TSC22D1: variants seen among roughly 807,000 people sequenced by gnomAD.
TSC22D1 encodes the protein TSC22 domain family member 1.
TSC22D1 carries 9 observed loss-of-function variants against 74.2 expected under a neutral mutation model. That is an observed-to-expected ratio of 0.12 (90% CI 0.07 to 0.21). The LOEUF is 0.21. TSC22D1 is among the 10% of genes least tolerant of loss of function. The pLI is 1.00. For synonymous variants in TSC22D1, 586 were observed against 492.5 expected, an observed-to-expected ratio of 1.19 and a Z score of -2.51; for missense variants, 1,427 against 1,304.7, an observed-to-expected ratio of 1.09 and a Z score of -1.44.
At chr13:44,448,851 A>G (rs1164307189) in intron 1 of TSC22D1, among the ~76,000 whole-genome samples, 1 of 151,900 alleles carries the variant, frequency 6.6e-6, no homozygotes, top group African/African-American at 2.4e-5. Context: ...TGCTGATTCA[A>G]TATAGTGTGC....
At chr13:44,567,663 CAAAAAGA>C in intron 1 of TSC22D1, among the ~76,000 whole-genome samples, 1 of 151,186 alleles carries the variant, frequency 6.6e-6, no homozygotes. Flanking sequence ...CTCAATAGAG[CAAAAAGA>C]AAAACAGATG....
At chr13:44,555,118 TA>T (rs58167299) in intron 1 of TSC22D1, among the ~76,000 whole-genome samples, 2,658 of 138,406 alleles carry the variant, frequency 0.019, 83 homozygotes, top group Admixed American at 0.095. Context: ...ACCTCTAAAT[TA>T]AAAAAAAAAA....
intron 1 of TSC22D1, among the ~76,000 whole-genome samples, chr13:44,531,683 A>T (rs772399186): frequency 6.6e-6 from 1 of 152,226 alleles, no homozygotes; most frequent in African/African-American, 2.4e-5. Context: ...TTAGATGTAC[A>T]TGCAACCATT....
chr13:44,533,160 T>C (rs1393436401), intron 1 of TSC22D1, among the ~76,000 whole-genome samples: 1 of 152,090 alleles, frequency 6.6e-6, no homozygotes, highest in Non-Finnish European at 1.5e-5. Flanking sequence ...GGCATGGTGG[T>C]TCACTTGAGG....
At chr13:44,488,724 G>A (rs1380817401) in intron 1 of TSC22D1, among the ~76,000 whole-genome samples, 2 of 152,108 alleles carry the variant, frequency 1.3e-5, no homozygotes, top group Non-Finnish European at 2.9e-5. Context: ...CTTAGAAAAT[G>A]TAATTTTCAA....
chr13:44,487,522 A>AAAAAAAAAAAG (rs1878497347), intron 1 of TSC22D1, among the ~76,000 whole-genome samples: 2 of 148,426 alleles, frequency 1.3e-5, no homozygotes, highest in Non-Finnish European at 3.0e-5. Flanking sequence ...AAAAAAAAAA[A>AAAAAAAAAAAG]AAAAAGAAAA....
chr13:44,440,887 CAG>C (rs761022367), intron 1 of TSC22D1, among the ~76,000 whole-genome samples: 1 of 152,102 alleles, frequency 6.6e-6, no homozygotes, highest in Non-Finnish European at 1.5e-5. Context: ...GTTACAAACA[CAG>C]GGACTAGGAA....
chr13:44,436,352 A>G, intron 1 of TSC22D1: 1 of 1,157,286 alleles, frequency 8.6e-7, no homozygotes, highest in Non-Finnish European at 1.2e-6. Flanking sequence ...CAGACTTGCA[A>G]AAATAAGGTT....
intron 1 of TSC22D1, among the ~76,000 whole-genome samples, chr13:44,475,235 A>G (rs1374065527): frequency 6.6e-6 from 1 of 152,180 alleles, no homozygotes; most frequent in Non-Finnish European, 1.5e-5. Flanking sequence ...GTAGTAGAAA[A>G]AAGATAATCC....
chr13:44,530,726 T>C (rs1481775307), intron 1 of TSC22D1, among the ~76,000 whole-genome samples: 1 of 150,666 alleles, frequency 6.6e-6, no homozygotes, highest in African/African-American at 2.4e-5. Flanking sequence ...ACTCAGCAGA[T>C]TGAGTGGAAA....
chr13:44,537,485 C>T (rs1457172458), intron 1 of TSC22D1: 3 of 984,974 alleles, frequency 3.0e-6, no homozygotes, highest in Non-Finnish European at 1.2e-6. Flanking sequence ...AGCTTATAAT[C>T]TCACAGGCCA....
At chr13:44,469,793 T>G (rs1314789065) in intron 1 of TSC22D1, among the ~76,000 whole-genome samples, 1 of 152,090 alleles carries the variant, frequency 6.6e-6, no homozygotes, top group East Asian at 1.9e-4. Flanking sequence ...TACTATGAAG[T>G]TTAAAAAAAA....
chr13:44,537,108 TC>T (rs1048455665), intron 1 of TSC22D1: 62 of 916,956 alleles, frequency 6.8e-5, no homozygotes, highest in African/African-American at 6.1e-4. Context: ...TGCATTTTTT[TC>T]ATGGAGAAAA....
At chr13:44,572,020 A>G (rs1041731628) in intron 1 of TSC22D1, among the ~76,000 whole-genome samples, 1 of 152,198 alleles carries the variant, frequency 6.6e-6, no homozygotes, top group East Asian at 1.9e-4. Context: ...TAGAATATAA[A>G]TGCTTAAATT....
intron 1 of TSC22D1, among the ~76,000 whole-genome samples, chr13:44,530,476 CTAGGTGGCCTTAAATTTT>C (rs1205381530): frequency 6.6e-6 from 1 of 151,870 alleles, no homozygotes; most frequent in Non-Finnish European, 1.5e-5. Flanking sequence ...AGGGGAAAAT[CTAGGTGGCCTTAAATTTT>C]TAGATACACC....
intron 1 of TSC22D1, among the ~76,000 whole-genome samples, chr13:44,510,267 CTAT>C (rs1383403695): frequency 6.6e-6 from 1 of 151,584 alleles, no homozygotes; most frequent in Non-Finnish European, 1.5e-5. Flanking sequence ...TGGCGCATGC[CTAT>C]AATCCCAGCT....
In TSC22D1 at chr13:44,433,902, C is replaced by G; in HGVS notation, c.*724G>C. 2 of 1,366,880 alleles carry G rather than the reference C, an allele frequency of 1.5e-6. No homozygotes were observed. The highest frequency in any genetic ancestry group is 1.9e-6 in the Non-Finnish European group (2 of 1,033,962). 84.7% of individuals were successfully genotyped at this position (1,366,880 alleles called of 1,614,324 possible). ...CCTCCTCAGACAGCCAATGAAACAA[C>G]TAAATTTCAATCTGTACAACCTAAA... On this transcript the variant is annotated 3_prime_UTR_variant, in exon 3 of 3. Transcript: ENST00000458659.
At position 44,575,943 on chromosome 13, in the gene TSC22D1, T is replaced by C. The variant is rs757350310; in HGVS notation, c.132A>G (p.Ala44=). The stretch of plus-strand genomic sequence containing the variant: ...TGGCATTACTACCGACGCCGGTACC[T>C]GCTGCATTGAGAGCAGAGGCGCTGC... The part of the protein sequence containing the change: ...GSGSASALNA[A]GTGVGSNATS... The change falls in exon 1 of 3, where the codon GCA becomes GCG. Residue 44 remains alanine, a synonymous_variant. Transcript: ENST00000458659. 2.5e-6 allele frequency: 4 copies of C among 1,611,510 alleles called. No individual in the cohort carries two copies. Among genetic ancestry groups the C allele is most frequent in the East Asian group, 4.5e-5 (2 of 44,796 alleles).
intron 1 of TSC22D1, among the ~76,000 whole-genome samples, chr13:44,519,094 T>C (rs541895316): frequency 4.9e-4 from 74 of 152,304 alleles, no homozygotes; most frequent in Non-Finnish European, 8.8e-4. Context: ...TTTACCATTA[T>C]AGAAAAGCAA....
Sources: allele counts gnomAD v4.1 joint callset (sites outside exome capture counted in the v4.1 genomes callset), GRCh38; gene constraint gnomAD v4.1.1; transcripts MANE v1.5; gene names NCBI Gene and HGNC (gene_info 2026-07-23, HGNC 2026-07-21).